SLTM: variants seen among roughly 807,000 people sequenced by gnomAD.
The protein encoded by SLTM is SAFB like transcription modulator.
SLTM carries 43 observed loss-of-function variants against 134.6 expected under a neutral mutation model. The ratio of observed to expected loss-of-function variants is 0.32; its 90% CI spans 0.25 to 0.41. The LOEUF is 0.41. Among genes scored for constraint, SLTM ranks in the 10% least tolerant of loss-of-function variants. The pLI, the probability that SLTM is intolerant of heterozygous loss-of-function variation, is 1.00. For synonymous variants in SLTM, 424 were observed against 432.3 expected (o/e 0.98, Z 0.24); for missense variants, 1,055 against 1,288.8 (o/e 0.82, Z 2.78).
rs1163353504 is a variant in SLTM, at chr15:58,925,272, A to G, written c.250+7084T>C. 3.9e-5 allele frequency among the ~76,000 whole-genome samples: 6 copies of G among 152,196 alleles called. No individual in the cohort carries two copies. The East Asian group carries it at 9.6e-4, about 24-fold the overall frequency. ...ATTAAACTGACATTTTACTAACAAA[A>G]TCATTTTTCTGAAAGGCCTTGCACA... On this transcript the variant is annotated intron_variant, in intron 2 of 20. Transcript: ENST00000380516.
At chr15:58,880,720 A>G (rs1351803825) in intron 20 of SLTM, among the ~76,000 whole-genome samples, 1 of 152,102 alleles carries the variant, frequency 6.6e-6, no homozygotes, top group East Asian at 1.9e-4. Context: ...AAGTGCCGCC[A>G]TGCTCAGCTA....
chr15:58,899,231 AAAC>A lies in SLTM; in HGVS notation c.1058+235_1058+237del, dbSNP rs1417549924. ...TTGAAAAAAAAAAACAAAAAACAAA[AAAC>A]AACAAAAAAACCAAATATATGCTGA... On this transcript the variant is annotated intron_variant, in intron 7 of 20. Transcript: ENST00000380516. This position sits in a 1 kb window ranked among gnomAD's most constrained non-coding sequence, Gnocchi z 5.0. 1.3e-5 allele frequency: 6 copies of A among 473,834 alleles called. No homozygotes were observed. The highest frequency in any genetic ancestry group is 2.2e-5 in the Non-Finnish European group (6 of 272,898). 29.4% of individuals were successfully genotyped at this position (473,834 alleles called of 1,614,324 possible).
rs76197865 is a variant in SLTM, at chr15:58,882,832, G to A, written c.2996+794C>T. Among the ~76,000 whole-genome samples the A allele has an allele frequency of 1.9e-4, 29 of 152,346 alleles. 1 individual carries two copies. Among genetic ancestry groups the A allele is most frequent in the African/African-American group, 6.7e-4 (28 of 41,576 alleles). ...ACCTGCTGGCTGAAGGGCCACATCC[G>A]ACCTCAGTGTGAAGAGAAAGTAAAG... On this transcript the variant is annotated intron_variant, in intron 20 of 20. Coordinates refer to ENST00000380516, the MANE Select transcript of SLTM (RefSeq NM_024755.4).
intron 19 of SLTM, among the ~76,000 whole-genome samples, chr15:58,885,706 C>G (rs1433619061): frequency 8.5e-5 from 13 of 152,066 alleles, no homozygotes; most frequent in African/African-American, 2.9e-4. Flanking sequence ...ATCGCTTGAA[C>G]CTGGGAGGCG....
At position 58,888,415 on chromosome 15, in the gene SLTM, C is replaced by T; in HGVS notation, c.2345G>A (p.Ser782Asn). 2 of 1,611,608 alleles carry T rather than the reference C, an allele frequency of 1.2e-6. No homozygotes were observed. The highest frequency in any genetic ancestry group is 1.7e-6 in the Non-Finnish European group (2 of 1,179,430). Residue 782 changes from serine to asparagine, a missense_variant, in exon 17 of 21, where the codon AGT becomes AAT. Ser to Asn is a conservative substitution (Grantham distance 46). Around this residue, in one of 3 missense-constraint regions of SLTM, gnomAD observed 776 missense variants for 962.2 expected, o/e 0.81. Transcript: ENST00000380516. Reference protein sequence around the residue: ...DHRERGRFPESSAVQSSSFER... With the variant: ...DHRERGRFPENSAVQSSSFER... ...AAAAGATGAAGACTGTACTGCTGAA[C>T]TCTCAGGAAACCTGCCCCTCTCTCG...
intron 5 of SLTM, among the ~76,000 whole-genome samples, chr15:58,904,470 A>C (rs1230974122): frequency 6.6e-6 from 1 of 152,216 alleles, no homozygotes; most frequent in Non-Finnish European, 1.5e-5. Flanking sequence ...AAAATAGTCC[A>C]GAACAAGTAA....
At chr15:58,886,920 T>A (rs759868937) in intron 19 of SLTM, 55 bp downstream of exon 19, 29 of 1,606,916 alleles carry the variant, frequency 1.8e-5, no homozygotes, top group Non-Finnish European at 2.4e-5. Context: ...GAGTAGCTCA[T>A]GAATCCTCTA....
chr15:58,925,608 G>C (rs2037401888), intron 2 of SLTM, among the ~76,000 whole-genome samples: 1 of 152,088 alleles, frequency 6.6e-6, no homozygotes, highest in African/African-American at 2.4e-5. Flanking sequence ...AAAGTGCTGG[G>C]TTTACAAGAG....
rs1324453899 is a variant in SLTM, at chr15:58,892,915, C to T, written c.1880G>A (p.Arg627Gln). The T allele has an allele frequency of 2.5e-6, 4 of 1,613,078 alleles. No individual in the cohort carries two copies. Among genetic ancestry groups the T allele is most frequent in the Non-Finnish European group, 3.4e-6 (4 of 1,179,726 alleles). ...TTCCTACCTTCGAAGTTCCATTGCT[C>T]GTCGCAGCCTTTCAAAACGAACTAA... is the stretch of plus-strand genomic sequence containing the variant. ...EHLVRFERLRRAMELRRRREI... is the reference protein window; with the variant it reads ...EHLVRFERLRQAMELRRRREI... Residue 627 changes from arginine to glutamine, a missense_variant, in exon 14 of 21, where the codon CGA (arginine) becomes CAA (glutamine). Physicochemically the swap from Arg to Gln is conservative, Grantham distance 43. Transcript: ENST00000380516.
At chr15:58,882,030 G>A (rs1264765618) in intron 20 of SLTM, among the ~76,000 whole-genome samples, 4 of 151,702 alleles carry the variant, frequency 2.6e-5, no homozygotes, top group Non-Finnish European at 5.9e-5. Flanking sequence ...CCAACATGGT[G>A]AAACCCCATT....
chr15:58,897,337 G>A (rs186648890), intron 8 of SLTM, 104 bp from the exon 9 acceptor site: 697 of 648,242 alleles, frequency 1.1e-3, no homozygotes, highest in Non-Finnish European at 1.4e-3. Context: ...ATAGTATGAC[G>A]TTACTATATC....
At chr15:58,920,267 G>A (rs1451609529) in intron 2 of SLTM, among the ~76,000 whole-genome samples, 1 of 151,934 alleles carries the variant, frequency 6.6e-6, no homozygotes. Flanking sequence ...GTTGCGGTAA[G>A]CTGAGATCGC....
intron 2 of SLTM, among the ~76,000 whole-genome samples, chr15:58,918,304 T>C (rs905158091): frequency 2.0e-5 from 3 of 152,158 alleles, no homozygotes; most frequent in African/African-American, 7.2e-5. Flanking sequence ...TTTTTTCCCT[T>C]TGCCTACAAC....
chr15:58,927,265 A>C (rs746417730), intron 2 of SLTM, among the ~76,000 whole-genome samples: 3 of 152,114 alleles, frequency 2.0e-5, no homozygotes, highest in Non-Finnish European at 4.4e-5. Context: ...TTTGAGACCA[A>C]GTTTCTAAAG....
intron 2 of SLTM, among the ~76,000 whole-genome samples, chr15:58,921,166 C>A (rs2037018369): frequency 6.6e-6 from 1 of 152,102 alleles, no homozygotes; most frequent in African/African-American, 2.4e-5. Flanking sequence ...AGGATAAATT[C>A]TTCATATGCA....
At chr15:58,882,838 A>C (rs1443991226) in intron 20 of SLTM, among the ~76,000 whole-genome samples, 1 of 152,266 alleles carries the variant, frequency 6.6e-6, no homozygotes, top group Non-Finnish European at 1.5e-5. Context: ...ATCCGACCTC[A>C]GTGTGAAGAG....
intron 2 of SLTM, among the ~76,000 whole-genome samples, chr15:58,921,066 CT>C (rs1185835507): frequency 1.3e-5 from 2 of 152,204 alleles, no homozygotes; most frequent in African/African-American, 2.4e-5. Flanking sequence ...AATTTCTCTT[CT>C]TTTAGTGAAA....
At chr15:58,888,591 G>C (rs2034413638) in intron 16 of SLTM, 36 bp from the exon 17 acceptor site, 1 of 1,604,568 alleles carries the variant, frequency 6.2e-7, no homozygotes, top group South Asian at 1.1e-5. Context: ...ACATAAATTA[G>C]TTCTACAGTA....
rs373251626 is a variant in SLTM, at chr15:58,898,830, T to C, written c.1081A>G (p.Ser361Gly). 1.3e-5 allele frequency: 21 copies of C among 1,609,236 alleles called. No individual in the cohort carries two copies. In the African/African-American group the frequency reaches 2.7e-4, roughly 21 times the overall value. ...TTGTCATCTTTAGATGATGTCTTGC[T>C]GTCTTTAGATTCCTTTGAAGAGCTA... ...AKSSSKESKD[S>G]KTSSKDDKGS... Residue 361 changes from serine (S) to glycine (G), a missense_variant, in exon 8 of 21, where the codon AGC becomes GGC. Physicochemically the swap from Ser to Gly is moderately conservative, Grantham distance 56 (BLOSUM62 0). This residue lies in a region of SLTM where 776 missense variants were observed against 962.2 expected (regional missense o/e 0.81). Transcript: ENST00000380516.
Sources: gnomAD v4.1 joint callset for allele counts (sites outside exome capture counted in the v4.1 genomes callset) on GRCh38, gnomAD v4.1.1 for gene constraint, gnomAD v4.1.1 regional missense constraint, Gnocchi (gnomAD v3.1) non-coding constraint, MANE v1.5 for transcripts, NCBI Gene and HGNC (gene_info 2026-07-23, HGNC 2026-07-21) for gene names.